SPOCK3: variants seen among roughly 807,000 people sequenced by gnomAD.
SPOCK3 encodes the protein testican-3.
A neutral mutation model predicts 56.6 loss-of-function variants in SPOCK3; 30 were observed. The observed-to-expected ratio is 0.53, with a 90% confidence interval of 0.40 to 0.72. The LOEUF is 0.72. SPOCK3 is among the 30% of genes least tolerant of loss of function. The pLI is 0.00. For synonymous variants in SPOCK3, 196 were observed against 183.3 expected (o/e 1.07, Z -0.56); for missense variants, 527 against 530.0 (o/e 0.99, Z 0.06).
chr4:167,155,846 G>A (rs1764773172), intron 2 of SPOCK3, among the ~76,000 whole-genome samples: 1 of 152,082 alleles, frequency 6.6e-6, no homozygotes, highest in African/African-American at 2.4e-5. Context: ...GGGAGGGAGA[G>A]CATTAGGACA....
chr4:166,848,983 G>C (rs1748392348), intron 6 of SPOCK3, among the ~76,000 whole-genome samples: 1 of 152,102 alleles, frequency 6.6e-6, no homozygotes, highest in Admixed American at 6.6e-5. Context: ...ATTTTATTCA[G>C]AAACTCAAGA....
chr4:167,105,463 T>TAAAAAAAAA (rs552028589), intron 2 of SPOCK3, among the ~76,000 whole-genome samples: 2 of 98,676 alleles, frequency 2.0e-5, no homozygotes, highest in African/African-American at 4.2e-5. Context: ...ACACAAAAAT[T>TAAAAAAAAA]AAAAAAAAAA....
intron 5 of SPOCK3, among the ~76,000 whole-genome samples, chr4:166,900,578 C>T (rs1424703167): frequency 1.3e-5 from 2 of 152,180 alleles, no homozygotes; most frequent in East Asian, 1.9e-4. Flanking sequence ...CTGCAGGCTG[C>T]CCTGGTCGCT....
At chr4:166,996,620 C>G (rs1480635724) in intron 4 of SPOCK3, among the ~76,000 whole-genome samples, 1 of 152,120 alleles carries the variant, frequency 6.6e-6, no homozygotes, top group East Asian at 1.9e-4. Context: ...CTACTATTTT[C>G]TTTTAACTGG....
At chr4:166,872,293 C>T (rs960256170) in intron 6 of SPOCK3, among the ~76,000 whole-genome samples, 3 of 151,968 alleles carry the variant, frequency 2.0e-5, no homozygotes, top group Non-Finnish European at 4.4e-5. Context: ...TATTCACTAA[C>T]AACATTACTG....
intron 2 of SPOCK3, among the ~76,000 whole-genome samples, chr4:167,088,060 A>G (rs1047212797): frequency 2.6e-5 from 4 of 152,284 alleles, no homozygotes; most frequent in African/African-American, 9.6e-5. Flanking sequence ...GAAAAAAAAA[A>G]TCTTAGAAGC....
intron 4 of SPOCK3, among the ~76,000 whole-genome samples, chr4:166,914,347 C>T (rs894083332): frequency 6.6e-6 from 1 of 151,990 alleles, no homozygotes; most frequent in African/African-American, 2.4e-5. Flanking sequence ...TTTAAAAAAC[C>T]CTAATGATAT....
intron 6 of SPOCK3, among the ~76,000 whole-genome samples, chr4:166,862,166 C>T (rs1397595682): frequency 6.6e-6 from 1 of 151,784 alleles, no homozygotes; most frequent in Non-Finnish European, 1.5e-5. Context: ...CAGATTGGAT[C>T]AAAAGACAGA....
intron 2 of SPOCK3, among the ~76,000 whole-genome samples, chr4:167,107,765 A>G (rs1039345951): frequency 6.6e-6 from 1 of 152,000 alleles, no homozygotes; most frequent in African/African-American, 2.4e-5. Flanking sequence ...TACAAAATCA[A>G]CATACAAAAA....
At chr4:167,071,485 G>A (rs1456573966) in intron 2 of SPOCK3, among the ~76,000 whole-genome samples, 1 of 151,054 alleles carries the variant, frequency 6.6e-6, no homozygotes, top group Admixed American at 6.6e-5. Flanking sequence ...GTGAGAACAT[G>A]CGGTGCTTGG....
chr4:167,036,098 C>A (rs926918254), intron 3 of SPOCK3, among the ~76,000 whole-genome samples: 7 of 152,120 alleles, frequency 4.6e-5, no homozygotes, highest in African/African-American at 1.7e-4. Context: ...CTATCTTGCC[C>A]AAATATATTT....
intron 2 of SPOCK3, among the ~76,000 whole-genome samples, chr4:167,186,144 CA>C (rs1317277921): frequency 6.6e-6 from 1 of 151,928 alleles, no homozygotes; most frequent in Admixed American, 6.6e-5. Context: ...TTCAGAAAAA[CA>C]AAATCAAATT....
intron 3 of SPOCK3, among the ~76,000 whole-genome samples, chr4:167,014,711 A>G (rs1010765443): frequency 2.6e-5 from 4 of 151,962 alleles, no homozygotes; most frequent in Non-Finnish European, 5.9e-5. Flanking sequence ...TTTCTCTGAA[A>G]GCTGTGTCAA....
At chr4:167,124,964 C>T (rs1762143118) in intron 2 of SPOCK3, among the ~76,000 whole-genome samples, 1 of 152,232 alleles carries the variant, frequency 6.6e-6, no homozygotes, top group East Asian at 1.9e-4. Context: ...ATCTGCATGG[C>T]TGCTTTCCTT....
In SPOCK3 at chr4:166,816,551, T is replaced by G. The variant is rs1443055180; in HGVS notation, c.590-24262A>C. Among the ~76,000 whole-genome samples, 10 of 152,092 alleles carry G rather than the reference T, an allele frequency of 6.6e-5. 1 individual carries two copies. On this transcript the variant is annotated intron_variant, in intron 6 of 10. Coordinates refer to ENST00000357545, the MANE Select transcript of SPOCK3 (RefSeq NM_001040159.2). ...GTCTGCCAAATTTGTTTTGTTTTTTTTCCTTCAAGGACAAGCTTCCTCTGG... is the reference window on the plus strand; with the variant it reads ...GTCTGCCAAATTTGTTTTGTTTTTTGTCCTTCAAGGACAAGCTTCCTCTGG...
Position 166,901,415 on chromosome 4 carries a change from C to A in SPOCK3, c.474+11205G>T, listed in dbSNP as rs532417135. ...CACATCAATGGGACAACAGACTCAT[C>A]ATTTATAGATACCTTGCAGGAAGTT... is the stretch of plus-strand genomic sequence containing the variant. On this transcript the variant is annotated intron_variant, in intron 5 of 10. Coordinates refer to ENST00000357545, the MANE Select transcript of SPOCK3 (RefSeq NM_001040159.2). Among the ~76,000 whole-genome samples the A allele has an allele frequency of 1.6e-3, 237 of 152,250 alleles. 1 individual carries two copies. Among genetic ancestry groups the A allele is most frequent in the Non-Finnish European group, 2.8e-3 (191 of 68,024 alleles).
At chr4:167,147,521 T>G (rs1764065888) in intron 2 of SPOCK3, among the ~76,000 whole-genome samples, 1 of 152,178 alleles carries the variant, frequency 6.6e-6, no homozygotes, top group African/African-American at 2.4e-5. Context: ...GTATGTTTAT[T>G]ATGACACTGT....
At chr4:167,178,877 G>C (rs182446890) in intron 2 of SPOCK3, among the ~76,000 whole-genome samples, 24 of 152,078 alleles carry the variant, frequency 1.6e-4, no homozygotes, top group African/African-American at 5.5e-4. Flanking sequence ...TATCCTGTTA[G>C]GTGCTTAAAG....
At chr4:167,187,636 C>T (rs372243847) in intron 2 of SPOCK3, among the ~76,000 whole-genome samples, 67 of 152,058 alleles carry the variant, frequency 4.4e-4, no homozygotes, top group African/African-American at 1.5e-3. Flanking sequence ...GTCACTAAGA[C>T]ACTATAAATA....
Sources: gnomAD v4.1 joint callset for allele counts (sites outside exome capture counted in the v4.1 genomes callset) on GRCh38, gnomAD v4.1.1 for gene constraint, MANE v1.5 for transcripts, NCBI Gene and HGNC (gene_info 2026-07-23, HGNC 2026-07-21) for gene names.